Variants in ROBO2 observed in about 807,000 individuals in gnomAD.
ROBO2 encodes the protein roundabout homolog 2.
Under a neutral mutation model 160.8 loss-of-function variants are expected in ROBO2, and 53 were observed. The observed-to-expected ratio is 0.33, with a 90% CI of 0.26 to 0.41. The LOEUF (loss-of-function observed/expected upper bound fraction) is 0.41. Ranked by LOEUF, ROBO2 falls within the 10% of genes least tolerant of loss-of-function variation. The probability of loss-of-function intolerance (pLI) is 1.00; values close to 1 mark genes in which losing one functional copy is unlikely to be tolerated. For synonymous variants in ROBO2, 664 were observed against 611.7 expected (o/e 1.09, Z -1.26); for missense variants, 1,577 against 1,722.4 (o/e 0.92, Z 1.49).
intron 5 of ROBO2, among the ~76,000 whole-genome samples, chr3:77,521,848 G>A (rs1226930294): frequency 6.6e-6 from 1 of 151,156 alleles, no homozygotes. Flanking sequence ...ACAATAGGAA[G>A]TCACAGCTAG....
intron 2 of ROBO2, among the ~76,000 whole-genome samples, chr3:77,366,895 C>CCCT (rs983688511): frequency 3.4e-5 from 4 of 116,584 alleles, no homozygotes; most frequent in African/African-American, 5.4e-5. Context: ...CTCACAGCAC[C>CCCT]CCCCCGACAC....
chr3:76,009,496 G>A (rs1313104458), intron 2 of ROBO2, among the ~76,000 whole-genome samples: 1 of 152,196 alleles, frequency 6.6e-6, no homozygotes, highest in Non-Finnish European at 1.5e-5. Context: ...ATGCCAAGGT[G>A]CCATATTCTG....
rs2079774908 is a variant in ROBO2, at chr3:76,962,852, G to GTCCTAT, written c.110-135160_110-135155dup. ...TTTTTAAAGTAAAATGCATTCTCTAGTCCTATTGCTGTCCACAGTCTCTGA... is the reference window on the plus strand; with the variant it reads ...TTTTTAAAGTAAAATGCATTCTCTAGTCCTATTCCTATTGCTGTCCACAGTCTCTGA... On this transcript the variant is annotated intron_variant, in intron 2 of 26. Transcript: ENST00000487694. Among the ~76,000 whole-genome samples the GTCCTAT allele has an allele frequency of 2.0e-5, 3 of 152,196 alleles. No homozygotes were observed. The South Asian group carries it at 6.2e-4, about 32-fold the overall frequency.
intron 2 of ROBO2, among the ~76,000 whole-genome samples, chr3:76,445,409 T>C (rs1305027739): frequency 6.6e-6 from 1 of 152,180 alleles, no homozygotes; most frequent in Non-Finnish European, 1.5e-5. Flanking sequence ...CACTTAGTAA[T>C]ATTTTAGTAA....
At chr3:77,248,130 G>T (rs1033682325) in intron 2 of ROBO2, among the ~76,000 whole-genome samples, 1 of 152,196 alleles carries the variant, frequency 6.6e-6, no homozygotes, top group Admixed American at 6.5e-5. Flanking sequence ...CAGCTTAACG[G>T]TGTAGCTTCG....
intron 2 of ROBO2, among the ~76,000 whole-genome samples, chr3:76,749,287 T>TATAC (rs1325192864): frequency 6.6e-6 from 1 of 151,982 alleles, no homozygotes; most frequent in Non-Finnish European, 1.5e-5. Flanking sequence ...AATATATATG[T>TATAC]ATACCACTAC....
At chr3:77,410,660 T>TCCTCCTCTTCC (rs2076684468) in intron 2 of ROBO2, among the ~76,000 whole-genome samples, 1 of 59,838 alleles carries the variant, frequency 1.7e-5, no homozygotes, top group African/African-American at 9.2e-5. Context: ...CCTCCTCTTC[T>TCCTCCTCTTCC]TCCTCCTCCT....
intron 2 of ROBO2, among the ~76,000 whole-genome samples, chr3:76,963,403 A>C (rs1219085341): frequency 6.6e-6 from 1 of 152,162 alleles, no homozygotes; most frequent in Non-Finnish European, 1.5e-5. Flanking sequence ...ACAATTGTGC[A>C]CTTTAAAATT....
intron 24 of ROBO2, among the ~76,000 whole-genome samples, chr3:77,637,304 T>C (rs2095280607): frequency 6.6e-6 from 1 of 152,200 alleles, no homozygotes; most frequent in Non-Finnish European, 1.5e-5. Context: ...ATTGGTTTTT[T>C]ATTAGTTTGG....
intron 2 of ROBO2, among the ~76,000 whole-genome samples, chr3:76,001,522 G>C (rs1385979978): frequency 3.9e-5 from 6 of 151,982 alleles, no homozygotes; most frequent in Admixed American, 1.3e-4. Flanking sequence ...ATGTGTGTGT[G>C]TGTGTGTATG....
At chr3:77,159,789 G>C (rs898166508) in intron 2 of ROBO2, among the ~76,000 whole-genome samples, 1 of 152,032 alleles carries the variant, frequency 6.6e-6, no homozygotes, top group Non-Finnish European at 1.5e-5. Context: ...TCCTGTTTTA[G>C]AAAGAACTAT....
chr3:77,577,751 C>T (rs569854076), intron 15 of ROBO2, 137 bp downstream of exon 16: 89 of 1,112,424 alleles, frequency 8.0e-5, no homozygotes, highest in Non-Finnish European at 1.2e-4. Flanking sequence ...TTCTGTGTGA[C>T]AGAGAATGAA....
rs535654889 is a variant in ROBO2 at position 76,247,017 on chromosome 3, A to G, written c.109+309415A>G. Among the ~76,000 whole-genome samples, 3 of 152,270 alleles carry G rather than the reference A, an allele frequency of 2.0e-5. No homozygotes were observed. In the East Asian group the frequency reaches 5.8e-4, roughly 29 times the overall value. ...TGACCAGCAAATAGGTGTAAAAAATAGTTCTATATTATCAGAGACAGGCCA... is the reference window on the plus strand; with the variant it reads ...TGACCAGCAAATAGGTGTAAAAAATGGTTCTATATTATCAGAGACAGGCCA... On this transcript the variant is annotated intron_variant, in intron 2 of 26. Transcript: ENST00000487694.
chr3:76,304,880 A>G (rs2071259948), intron 2 of ROBO2, among the ~76,000 whole-genome samples: 1 of 151,148 alleles, frequency 6.6e-6, no homozygotes, highest in African/African-American at 2.4e-5. Flanking sequence ...CGATGTATAT[A>G]TGCACCACTG....
chr3:76,805,476 A>C (rs1298837979), intron 2 of ROBO2, among the ~76,000 whole-genome samples: 1 of 151,876 alleles, frequency 6.6e-6, no homozygotes, highest in Non-Finnish European at 1.5e-5. Context: ...TGTTCTAGAA[A>C]TATATGTTCC....
At chr3:76,932,957 A>T (rs2077448830) in intron 2 of ROBO2, among the ~76,000 whole-genome samples, 2 of 151,806 alleles carry the variant, frequency 1.3e-5, no homozygotes, top group African/African-American at 4.8e-5. Flanking sequence ...AGAGATCCTG[A>T]ACAGACATAT....
chr3:77,255,613 C>A (rs2090838392), intron 2 of ROBO2, among the ~76,000 whole-genome samples: 1 of 152,148 alleles, frequency 6.6e-6, no homozygotes, highest in Non-Finnish European at 1.5e-5. Flanking sequence ...AAATTCCTAC[C>A]ATAGCAATTT....
rs115880078 is a variant in ROBO2, at chr3:77,421,311, A to G, written c.389-56103A>G. Among the ~76,000 whole-genome samples, 1,460 of 152,322 alleles carry G rather than the reference A, an allele frequency of 9.6e-3. 11 individuals are homozygous for G. Among genetic ancestry groups the G allele is most frequent in the South Asian group, 0.028 (133 of 4,826 alleles). ...ATATGGTTATCCCATTAATATTTAC[A>G]TCACGACAAATATCCAGAGAAGTTT... On this transcript the variant is annotated intron_variant, in intron 2 of 25. Coordinates refer to ENST00000461745, the Ensembl canonical transcript of ROBO2.
At chr3:75,978,403 C>A (rs1219284840) in intron 2 of ROBO2, among the ~76,000 whole-genome samples, 2 of 151,406 alleles carry the variant, frequency 1.3e-5, no homozygotes, top group African/African-American at 4.8e-5. Flanking sequence ...ACTTCAAGAT[C>A]TTTCATTTTT....
Sources: allele counts gnomAD v4.1 joint callset (sites outside exome capture counted in the v4.1 genomes callset), GRCh38; gene constraint gnomAD v4.1.1; transcripts MANE v1.5; gene names NCBI Gene and HGNC (gene_info 2026-07-23, HGNC 2026-07-21).